Variants in PUDP observed in about 807,000 individuals in gnomAD.
PUDP encodes the protein pseudouridine-5'-phosphatase.
In PUDP, 8 loss-of-function variants were observed where a neutral mutation model predicts 9.4. The ratio of observed to expected loss-of-function variants is 0.85; its 90% CI spans 0.50 to 1.53. PUDP has a LOEUF of 1.53. Ranked by LOEUF, PUDP falls within the 40% of genes most tolerant of loss-of-function variation. The pLI is 0.00. For missense variants in PUDP, 188 were observed against 189.7 expected (o/e 0.99, Z 0.05); for synonymous variants, 99 against 80.7 (o/e 1.23, Z -1.22).
chrX:7,052,738 G>A (rs1426367208), intron 3 of PUDP, among the ~76,000 whole-genome samples: 1 of 111,734 alleles, frequency 8.9e-6, no homozygotes, highest in Non-Finnish European at 1.9e-5. Flanking sequence ...TGGCCCAGCT[G>A]TTTCGGTTTG....
chrX:6,932,999 A>T (rs1295999109), intron 3 of PUDP, among the ~76,000 whole-genome samples: 4 of 110,402 alleles, frequency 3.6e-5, no homozygotes, highest in Admixed American at 2.9e-4. Context: ...ACCACAGCTC[A>T]AGGAGGCCTG....
intron 1 of PUDP, among the ~76,000 whole-genome samples, chrX:6,993,177 T>C (rs1275612760): frequency 9.0e-6 from 1 of 111,278 alleles, no homozygotes; most frequent in Non-Finnish European, 1.9e-5. Context: ...TCAATACTCC[T>C]TAATAAACTC....
chrX:6,825,417 C>T (rs750745915), intron 3 of PUDP, among the ~76,000 whole-genome samples: 46 of 111,417 alleles, frequency 4.1e-4, no homozygotes, highest in Middle Eastern at 4.7e-3. Context: ...CTCTCTGCTC[C>T]GGGCCCTTGC....
chrX:6,994,296 G>A (rs898830277), intron 1 of PUDP, among the ~76,000 whole-genome samples: 6 of 110,875 alleles, frequency 5.4e-5, no homozygotes, highest in East Asian at 2.8e-4. Context: ...ATCTGTAGTC[G>A]CAGCTACTTG....
chrX:7,113,404 A>G, intron 1 of PUDP: 1 of 115,196 alleles, frequency 8.7e-6, no homozygotes, highest in Non-Finnish European at 1.8e-5. Context: ...TCAAACAAAG[A>G]TGGAGGCCAT....
intron 3 of PUDP, among the ~76,000 whole-genome samples, chrX:6,762,267 A>C (rs1250331111): frequency 8.9e-6 from 1 of 112,173 alleles, no homozygotes; most frequent in Non-Finnish European, 1.9e-5. Flanking sequence ...TATAGAATTC[A>C]GTGTACGTTA....
chrX:6,797,503 G>A (rs924432250), intron 3 of PUDP, among the ~76,000 whole-genome samples: 13 of 111,583 alleles, frequency 1.2e-4, no homozygotes, highest in Non-Finnish European at 2.3e-4. Flanking sequence ...AAGAAAGATG[G>A]CAGCCATCTT....
rs773443630 is a variant in PUDP, at chrX:7,087,920, C to A, written c.281-10471G>T. ...CACTGAAATGTGATCGGCCTAAACT[C>A]CTCCAGCCAAAGAAGCACCTTTCTC... On this transcript the variant is annotated intron_variant, in intron 2 of 3. Transcript: ENST00000381077. Among the ~76,000 whole-genome samples, 10 of 111,325 alleles carry A rather than the reference C, an allele frequency of 9.0e-5. No homozygotes were observed. The South Asian group carries it at 3.8e-3, about 42-fold the overall frequency.
chrX:7,031,602 A>G (rs1198770856), intron 1 of PUDP, among the ~76,000 whole-genome samples: 1 of 112,387 alleles, frequency 8.9e-6, no homozygotes, highest in Non-Finnish European at 1.9e-5. Flanking sequence ...AGGCTCAATT[A>G]TATTTTAAAA....
chrX:6,902,777 T>C (rs772837604), intron 3 of PUDP, among the ~76,000 whole-genome samples: 1 of 111,735 alleles, frequency 8.9e-6, no homozygotes, highest in African/African-American at 3.3e-5. Flanking sequence ...GGGGCCTGGT[T>C]TGCTTCAGTG....
At chrX:6,970,859 C>A (rs926003299) in intron 3 of PUDP, among the ~76,000 whole-genome samples, 2 of 109,958 alleles carry the variant, frequency 1.8e-5, no homozygotes, top group African/African-American at 6.6e-5. Context: ...GAGTTCAAGA[C>A]CAGCCTGATA....
At chrX:6,941,197 T>A (rs1308477817) in intron 3 of PUDP, among the ~76,000 whole-genome samples, 2 of 110,996 alleles carry the variant, frequency 1.8e-5, no homozygotes, top group African/African-American at 6.5e-5. Context: ...TCAGTGGAGA[T>A]TTTTATTGTA....
chrX:7,064,719 T>C (rs1367216801), intron 3 of PUDP, among the ~76,000 whole-genome samples: 1 of 111,309 alleles, frequency 9.0e-6, no homozygotes, highest in Non-Finnish European at 1.9e-5. Flanking sequence ...CAGGAAGACC[T>C]CCAACAGTAT....
chrX:6,819,256 A>C (rs1926299178), intron 3 of PUDP, among the ~76,000 whole-genome samples: 1 of 111,690 alleles, frequency 9.0e-6, no homozygotes, highest in African/African-American at 3.3e-5. Context: ...CTTTCCATGA[A>C]AGCTTTCTTC....
rs1028229423 is a variant in PUDP, at chrX:7,117,906, C to T, written c.62-12068G>A. ...CCCCTCATCCCCACTGCTCCTGCTT[C>T]AGCCAGGGCTCAAAGGGAGCTCATC... is the stretch of plus-strand genomic sequence containing the variant. On this transcript the variant is annotated intron_variant, in intron 1 of 3. Coordinates refer to ENST00000381077, the MANE Select transcript of PUDP (RefSeq NM_012080.5). Among the ~76,000 whole-genome samples, 3 of 113,349 alleles carry T rather than the reference C, an allele frequency of 2.6e-5. No individual in the cohort carries two copies. In the Admixed American group the frequency reaches 2.8e-4, roughly 10 times the overall value.
chrX:6,764,025 T>C (rs1325757886), intron 3 of PUDP, among the ~76,000 whole-genome samples: 2 of 112,022 alleles, frequency 1.8e-5, no homozygotes, highest in Admixed American at 1.9e-4. Context: ...ATAATCCATA[T>C]CTATTTTTCT....
At chrX:6,949,465 A>G (rs58587623) in intron 3 of PUDP, among the ~76,000 whole-genome samples, 3,306 of 111,289 alleles carry the variant, frequency 0.03, 62 homozygotes, top group African/African-American at 0.069. Context: ...TCCATGCTCC[A>G]TAAAACCAAA....
chrX:6,811,927 A>C (rs1475418871), intron 3 of PUDP, among the ~76,000 whole-genome samples: 1 of 112,798 alleles, frequency 8.9e-6, no homozygotes, highest in Admixed American at 9.3e-5. Flanking sequence ...GTAGAAAGAA[A>C]GAAGGGACTG....
intron 3 of PUDP, among the ~76,000 whole-genome samples, chrX:6,738,062 C>T (rs1358099474): frequency 9.0e-6 from 1 of 111,357 alleles, no homozygotes; most frequent in Non-Finnish European, 1.9e-5. Context: ...AAGATGCCAT[C>T]ATGGCACCCT....
Sources: gnomAD v4.1 joint callset for allele counts (sites outside exome capture counted in the v4.1 genomes callset) on GRCh38, gnomAD v4.1.1 for gene constraint, MANE v1.5 for transcripts, NCBI Gene and HGNC (gene_info 2026-07-23, HGNC 2026-07-21) for gene names.